Variants in RPS6KC1 observed in about 807,000 individuals in gnomAD.
The protein encoded by RPS6KC1 is ribosomal protein S6 kinase C1, also known as inactive ribosomal protein S6 kinase delta-1.
Under a neutral mutation model 103.8 loss-of-function variants are expected in RPS6KC1, and 54 were observed. The ratio of observed to expected loss-of-function variants is 0.52; its 90% CI spans 0.42 to 0.65. The LOEUF is 0.65. RPS6KC1 is among the 30% of genes least tolerant of loss of function. RPS6KC1 has a pLI of 0.00. For missense variants in RPS6KC1, 1,151 were observed against 1,253.8 expected (o/e 0.92, Z 1.24); for synonymous variants, 439 against 438.7 (o/e 1.00, Z -0.01).
chr1:213,070,016 G>T (rs1444773217), intron 1 of RPS6KC1, among the ~76,000 whole-genome samples: 2 of 152,152 alleles, frequency 1.3e-5, no homozygotes, highest in Non-Finnish European at 2.9e-5. Context: ...TTTGCTTAGG[G>T]AGTATTGATA....
the RPS6KC1 span, among the ~76,000 whole-genome samples, chr1:213,513,692 T>C: frequency 6.6e-6 from 1 of 152,208 alleles, no homozygotes; most frequent in Non-Finnish European, 1.5e-5. Context: ...ATGCACAGCA[T>C]TTTAGCAGAG....
chr1:213,104,321 T>G, intron 3 of RPS6KC1, 133 bp from the exon 4 acceptor site: 1 of 529,818 alleles, frequency 1.9e-6, no homozygotes, highest in Non-Finnish European at 3.4e-6. Context: ...TAGATTTGAC[T>G]TCAGAAGTTT....
intron 12 of RPS6KC1, among the ~76,000 whole-genome samples, chr1:213,254,955 A>C (rs887355430): frequency 3.9e-5 from 6 of 152,092 alleles, no homozygotes; most frequent in Non-Finnish European, 8.8e-5. Context: ...TTTTATAGGA[A>C]AAATGTTTTG....
chr1:213,421,708 G>A, the RPS6KC1 span, among the ~76,000 whole-genome samples: 2 of 152,204 alleles, frequency 1.3e-5, no homozygotes, highest in Non-Finnish European at 2.9e-5. Context: ...ATGAACTAAA[G>A]GGCCTGGTGT....
At chr1:213,598,831 G>GAATCGC in the RPS6KC1 span, among the ~76,000 whole-genome samples, 1 of 152,158 alleles carries the variant, frequency 6.6e-6, no homozygotes, top group Admixed American at 6.5e-5. Flanking sequence ...TGAGGCAGAA[G>GAATCGC]AATCGCTTGA....
the RPS6KC1 span, among the ~76,000 whole-genome samples, chr1:213,304,205 C>CAAAAA: frequency 9.9e-5 from 7 of 70,528 alleles, no homozygotes; most frequent in African/African-American, 2.0e-4. Context: ...GACTCCATCT[C>CAAAAA]AAAAAAAAAA....
At chr1:213,675,654 A>T in the RPS6KC1 span, among the ~76,000 whole-genome samples, 1 of 152,158 alleles carries the variant, frequency 6.6e-6, no homozygotes, top group Non-Finnish European at 1.5e-5. Flanking sequence ...AGGCAGGAAG[A>T]TCACCTGAGC....
At chr1:213,067,215 G>A (rs1441442882) in intron 1 of RPS6KC1, among the ~76,000 whole-genome samples, 1 of 152,210 alleles carries the variant, frequency 6.6e-6, no homozygotes, top group Non-Finnish European at 1.5e-5. Flanking sequence ...AGGATCTCCT[G>A]AGGCTGTGTT....
chr1:213,544,347 T>C, the RPS6KC1 span, among the ~76,000 whole-genome samples: 4 of 152,186 alleles, frequency 2.6e-5, no homozygotes, highest in Admixed American at 2.0e-4. Context: ...GGCTCATGAT[T>C]ACAGCTCTAG....
the RPS6KC1 span, among the ~76,000 whole-genome samples, chr1:213,846,258 C>T: frequency 6.6e-6 from 1 of 151,928 alleles, no homozygotes; most frequent in African/African-American, 2.4e-5. Context: ...CGAGATCACA[C>T]CACTGCACTC....
the RPS6KC1 span, among the ~76,000 whole-genome samples, chr1:213,645,168 T>C: frequency 4.2e-4 from 64 of 152,262 alleles, no homozygotes; most frequent in African/African-American, 1.5e-3. Flanking sequence ...ACAGTGCTGA[T>C]GGTGATGAGC....
At chr1:213,472,777 T>C in the RPS6KC1 span, among the ~76,000 whole-genome samples, 1 of 152,168 alleles carries the variant, frequency 6.6e-6, no homozygotes, top group Non-Finnish European at 1.5e-5. Flanking sequence ...CACAATCTAA[T>C]AGAGAAAACA....
chr1:213,493,592 C>T, the RPS6KC1 span, among the ~76,000 whole-genome samples: 1 of 152,182 alleles, frequency 6.6e-6, no homozygotes, highest in Admixed American at 6.5e-5. Context: ...CTTCCCTTCC[C>T]CTTGCCTCTG....
downstream of RPS6KC1, among the ~76,000 whole-genome samples, chr1:213,275,070 T>C (rs1312244537): frequency 2.0e-5 from 3 of 152,196 alleles, no homozygotes; most frequent in Non-Finnish European, 4.4e-5. Flanking sequence ...ACAATATTTG[T>C]TTTTTGTCCT....
the RPS6KC1 span, among the ~76,000 whole-genome samples, chr1:213,780,433 T>A: frequency 6.6e-6 from 1 of 152,142 alleles, no homozygotes; most frequent in African/African-American, 2.4e-5. Context: ...TGCAGAGGCC[T>A]AATGCTACCC....
chr1:213,137,623 G>A (rs1257581148), intron 6 of RPS6KC1, among the ~76,000 whole-genome samples: 3 of 151,424 alleles, frequency 2.0e-5, no homozygotes, highest in Admixed American at 6.6e-5. Context: ...GTGAGCCACC[G>A]TGCCTTGCCA....
intron 3 of RPS6KC1, among the ~76,000 whole-genome samples, chr1:213,100,385 A>G (rs1392510797): frequency 3.3e-5 from 5 of 152,008 alleles, no homozygotes; most frequent in Admixed American, 6.6e-5. Context: ...TCGTCTATTC[A>G]TGTGTTAATG....
the RPS6KC1 span, among the ~76,000 whole-genome samples, chr1:213,589,294 G>A: frequency 2.0e-5 from 3 of 152,140 alleles, no homozygotes; most frequent in Non-Finnish European, 4.4e-5. Flanking sequence ...GAAGAAGGTT[G>A]GTCAGTCAAG....
chr1:213,072,613 C>T (rs1182757853), intron 2 of RPS6KC1, among the ~76,000 whole-genome samples: 1 of 151,502 alleles, frequency 6.6e-6, no homozygotes, highest in African/African-American at 2.4e-5. Context: ...CATTCCCTAC[C>T]AGGAAACAGA....
Sources: allele counts gnomAD v4.1 joint callset (sites outside exome capture counted in the v4.1 genomes callset), GRCh38; gene constraint gnomAD v4.1.1; transcripts MANE v1.5; gene names NCBI Gene and HGNC (gene_info 2026-07-23, HGNC 2026-07-21).